Variants in PIK3R4 observed in about 807,000 individuals in gnomAD.
PIK3R4 encodes phosphoinositide 3-kinase regulatory subunit 4.
Under a neutral mutation model 136.5 loss-of-function variants are expected in PIK3R4, and 46 were observed. That is an observed-to-expected ratio of 0.34 (90% CI 0.27 to 0.43). PIK3R4 has a LOEUF of 0.43. PIK3R4 is among the 20% of genes least tolerant of loss of function. The pLI is 1.00. For missense variants in PIK3R4, 1,331 were observed against 1,649.5 expected (o/e 0.81, Z 3.35); for synonymous variants, 557 against 566.7 (o/e 0.98, Z 0.24).
At chr3:130,745,966 G>C (rs1033395434) in intron 1 of PIK3R4, among the ~76,000 whole-genome samples, 1 of 151,952 alleles carries the variant, frequency 6.6e-6, no homozygotes, top group African/African-American at 2.4e-5. Flanking sequence ...GTTGCAGTGA[G>C]TGGAGATCCC....
At chr3:130,703,977 T>C (rs1313975261) in intron 12 of PIK3R4, 89 bp from the exon 13 acceptor site, 1 of 827,758 alleles carries the variant, frequency 1.2e-6, no homozygotes, top group African/African-American at 1.7e-5. Flanking sequence ...AACAACCAGC[T>C]TGAAAACAAT....
intron 2 of PIK3R4, among the ~76,000 whole-genome samples, chr3:130,738,997 C>T (rs1429770189): frequency 1.3e-5 from 2 of 152,218 alleles, no homozygotes; most frequent in African/African-American, 4.8e-5. Flanking sequence ...AGGCAAGAAT[C>T]ATCAATGGAT....
At chr3:130,714,399 C>A (rs1435619927) in intron 9 of PIK3R4, among the ~76,000 whole-genome samples, 2 of 152,126 alleles carry the variant, frequency 1.3e-5, no homozygotes, top group East Asian at 3.9e-4. Flanking sequence ...TTTAACATTT[C>A]TTTTTTTCTT....
intron 19 of PIK3R4, among the ~76,000 whole-genome samples, 199 bp from the exon 20 acceptor site, chr3:130,679,684 T>C (rs1334629329): frequency 1.3e-5 from 2 of 152,198 alleles, no homozygotes; most frequent in African/African-American, 4.8e-5. Flanking sequence ...TTGGATTTCA[T>C]GAGTAGCCAC....
chr3:130,682,001 C>T (rs754435537), intron 16 of PIK3R4, among the ~76,000 whole-genome samples: 2 of 152,158 alleles, frequency 1.3e-5, no homozygotes, highest in African/African-American at 2.4e-5. Flanking sequence ...TTTCCATTTG[C>T]TGCTCTAAAT....
rs1335990162 is a variant in PIK3R4 at position 130,745,113 on chromosome 3, G to A, written c.106C>T (p.Arg36Trp). Residue 36 changes from arginine to tryptophan, a missense_variant, in exon 2 of 20, where the codon CGG becomes TGG. Physicochemically the swap from Arg to Trp is moderately radical, Grantham distance 101. Coordinates refer to ENST00000356763, the MANE Select transcript of PIK3R4 (RefSeq NM_014602.3). Reference protein sequence around the residue: ...FEYDKSLGSTRFFKVARAKHR... With the variant: ...FEYDKSLGSTWFFKVARAKHR... Reference sequence around the variant, plus strand: ...TTGGCTCGAGCAACTTTAAAAAACCGAGTACTCCCCAGGCTTTTATCATAT... The same window carrying A: ...TTGGCTCGAGCAACTTTAAAAAACCAAGTACTCCCCAGGCTTTTATCATAT... 1.2e-6 allele frequency: 2 copies of A among 1,613,686 alleles called. No individual in the cohort carries two copies. The highest frequency in any genetic ancestry group is 1.7e-6 in the Non-Finnish European group (2 of 1,179,980).
chr3:130,707,361 A>G (rs989574279), intron 10 of PIK3R4, among the ~76,000 whole-genome samples: 3 of 152,214 alleles, frequency 2.0e-5, no homozygotes, highest in African/African-American at 7.2e-5. Flanking sequence ...GATGTTAATA[A>G]TAAGACCTAA....
chr3:130,690,785 A>G (rs998310592), intron 13 of PIK3R4, 131 bp from the exon 14 acceptor site: 82 of 571,766 alleles, frequency 1.4e-4, no homozygotes, highest in Non-Finnish European at 2.3e-4. Flanking sequence ...GGACAAAAAC[A>G]AGAATTTCCT....
chr3:130,723,623 T>C, intron 6 of PIK3R4, 36 bp from the exon 7 acceptor site: 3 of 1,550,274 alleles, frequency 1.9e-6, no homozygotes, highest in Non-Finnish European at 8.8e-7. Context: ...GATTATTCAA[T>C]ACCTAAAAGT....
Position 130,730,341 on chromosome 3 carries a change from C to T in PIK3R4, c.1552G>A (p.Glu518Lys). The change falls in exon 5 of 20, where the codon GAG (glutamate) becomes AAG (lysine). Residue 518 changes from glutamate (E) to lysine (K), a missense_variant. This residue lies in a region of PIK3R4 where 1,180 missense variants were observed against 1,407.0 expected (regional missense o/e 0.84). Transcript: ENST00000356763. ...ENDPNNEEID[E>K]VTHPNGNYDT... ...TAATTTCCATTTGGATGTGTAACCTCATCTATTTCTTCATTATTGGGGTCA... is the reference window on the plus strand; with the variant it reads ...TAATTTCCATTTGGATGTGTAACCTTATCTATTTCTTCATTATTGGGGTCA... The T allele has an allele frequency of 6.3e-7, 1 of 1,596,766 alleles. No individual in the cohort carries two copies. The highest frequency in any genetic ancestry group is 2.3e-5 in the East Asian group (1 of 43,712).
intron 3 of PIK3R4, among the ~76,000 whole-genome samples, chr3:130,734,513 C>A (rs1361129641): frequency 3.3e-5 from 5 of 152,184 alleles, no homozygotes; most frequent in African/African-American, 1.2e-4. Flanking sequence ...AAAACACATA[C>A]AATTCTGGAA....
chr3:130,723,331 A>G, intron 7 of PIK3R4, 83 bp downstream of exon 7: 1 of 1,191,130 alleles, frequency 8.4e-7, no homozygotes, highest in Non-Finnish European at 1.2e-6. Context: ...AGCAGGAACA[A>G]TAAAGTTGCA....
chr3:130,735,900 T>A lies in PIK3R4; in HGVS notation c.836A>T (p.Asn279Ile). ...NGHFFPEQVL[N>I]KIEDHSIREL... ...TCTGATACTGTGATCTTCAATTTTA[T>A]TTAGCACTTGTTCAGGGAAAAAATG... The change falls in exon 3 of 20, where the codon AAT (asparagine) becomes ATT (isoleucine). Residue 279 changes from asparagine (N) to isoleucine (I), a missense_variant. This residue lies in a region of PIK3R4 where 1,180 missense variants were observed against 1,407.0 expected (regional missense o/e 0.84). Coordinates refer to ENST00000356763, the MANE Select transcript of PIK3R4 (RefSeq NM_014602.3). 1 of 1,612,514 alleles carries A rather than the reference T, an allele frequency of 6.2e-7. No homozygotes were observed. Among genetic ancestry groups the A allele is most frequent in the Non-Finnish European group, 8.5e-7 (1 of 1,179,552 alleles).
chr3:130,740,598 G>A (rs764639321), intron 2 of PIK3R4, among the ~76,000 whole-genome samples: 2 of 152,168 alleles, frequency 1.3e-5, no homozygotes, highest in Admixed American at 6.5e-5. Context: ...AAATTAGCCA[G>A]GCATGGTGGC....
chr3:130,733,379 T>C (rs540617463), intron 4 of PIK3R4, among the ~76,000 whole-genome samples, 169 bp downstream of exon 4: 1 of 152,350 alleles, frequency 6.6e-6, no homozygotes, highest in African/African-American at 2.4e-5. Flanking sequence ...CACACAAACG[T>C]TGATTCCCAG....
intron 2 of PIK3R4, among the ~76,000 whole-genome samples, chr3:130,742,717 C>G (rs2066831067): frequency 6.6e-6 from 1 of 152,140 alleles, no homozygotes; most frequent in African/African-American, 2.4e-5. Flanking sequence ...AAATTTGGCT[C>G]AATTTATGTT....
rs75650614 is a variant in PIK3R4, at chr3:130,742,375, C to G, written c.733+2111G>C. On this transcript the variant is annotated intron_variant, in intron 2 of 19. Transcript: ENST00000356763. ...CTTATCAACCACTGAAATTTTAAAC[C>G]TATGAATGATCCCCTGAAGTTTGAA... Among the ~76,000 whole-genome samples, 1,366 of 152,276 alleles carry G rather than the reference C, an allele frequency of 9.0e-3. 19 individuals carry two copies. The highest frequency in any genetic ancestry group is 0.052 in the East Asian group (272 of 5,182).
At chr3:130,739,690 C>CT (rs955024549) in intron 2 of PIK3R4, among the ~76,000 whole-genome samples, 40 of 152,194 alleles carry the variant, frequency 2.6e-4, no homozygotes, top group African/African-American at 9.2e-4. Context: ...CATCTTAAAA[C>CT]TCTTCCCACA....
chr3:130,728,817 G>A, intron 5 of PIK3R4, 133 bp from the exon 6 acceptor site: 1 of 566,612 alleles, frequency 1.8e-6, no homozygotes. Context: ...ATCCACCGAA[G>A]ACTTTAATCA....
Sources: gnomAD v4.1 joint callset for allele counts (sites outside exome capture counted in the v4.1 genomes callset) on GRCh38, gnomAD v4.1.1 for gene constraint, gnomAD v4.1.1 regional missense constraint, MANE v1.5 for transcripts, NCBI Gene and HGNC (gene_info 2026-07-23, HGNC 2026-07-21) for gene names.